HS6ST2: variants seen among roughly 807,000 people sequenced by gnomAD.
HS6ST2 encodes heparan sulfate 6-O-sulfotransferase 2, also known as heparan-sulfate 6-O-sulfotransferase 2.
Under a neutral mutation model 33.0 loss-of-function variants are expected in HS6ST2, and 17 were observed. The ratio of observed to expected loss-of-function variants is 0.52; its 90% CI spans 0.35 to 0.77. HS6ST2 has a LOEUF of 0.77. Ranked by LOEUF, HS6ST2 falls within the 30% of genes least tolerant of loss-of-function variation. The pLI, the probability that HS6ST2 is intolerant of heterozygous loss-of-function variation, is 0.01. For synonymous variants in HS6ST2, 248 were observed against 237.1 expected (o/e 1.05, Z -0.42); for missense variants, 519 against 551.7 (o/e 0.94, Z 0.59).
intron 2 of HS6ST2, among the ~76,000 whole-genome samples, chrX:132,928,812 C>T (rs1157724375): frequency 9.0e-6 from 1 of 111,505 alleles, no homozygotes; most frequent in Non-Finnish European, 1.9e-5. Context: ...CAGATCCTGG[C>T]ACACAGTAAG....
At chrX:132,669,327 TC>T in intron 3 of HS6ST2, 128 bp from the exon 4 acceptor site, 1 of 165,682 alleles carries the variant, frequency 6.0e-6, no homozygotes. Flanking sequence ...CTGGCCAATC[TC>T]TCTCTCTCTC....
chrX:132,795,944 T>C (rs907215538), intron 2 of HS6ST2, among the ~76,000 whole-genome samples: 2 of 111,455 alleles, frequency 1.8e-5, no homozygotes, highest in African/African-American at 6.5e-5. Context: ...CTCTGTGACT[T>C]CTTAGCTGTA....
At chrX:132,896,285 A>G (rs932577810) in intron 2 of HS6ST2, among the ~76,000 whole-genome samples, 1 of 110,902 alleles carries the variant, frequency 9.0e-6, no homozygotes, top group African/African-American at 3.3e-5. Flanking sequence ...CCTGGCTAAC[A>G]CGGTAAAACC....
intron 2 of HS6ST2, among the ~76,000 whole-genome samples, chrX:132,901,471 C>T (rs2066425360): frequency 9.0e-6 from 1 of 111,084 alleles, no homozygotes; most frequent in African/African-American, 3.3e-5. Context: ...ATAATCATTC[C>T]AATAGACAGC....
intron 4 of HS6ST2, among the ~76,000 whole-genome samples, chrX:132,634,494 G>C (rs766482833): frequency 8.9e-6 from 1 of 112,127 alleles, no homozygotes; most frequent in South Asian, 3.8e-4. Context: ...TTAATTGAAT[G>C]GCTGATTGGT....
At chrX:132,854,110 G>T (rs1446272666) in intron 2 of HS6ST2, among the ~76,000 whole-genome samples, 5 of 111,774 alleles carry the variant, frequency 4.5e-5, no homozygotes, top group Non-Finnish European at 9.4e-5. Flanking sequence ...AGGACCAGCA[G>T]ATCATCTTAA....
chrX:132,641,003 T>C (rs985098540), intron 4 of HS6ST2, among the ~76,000 whole-genome samples: 3 of 111,982 alleles, frequency 2.7e-5, no homozygotes, highest in Admixed American at 1.9e-4. Context: ...CAGTTCCCAA[T>C]TGGTAGTTTT....
At chrX:132,897,128 C>T (rs772395800) in intron 2 of HS6ST2, among the ~76,000 whole-genome samples, 10 of 110,730 alleles carry the variant, frequency 9.0e-5, no homozygotes, top group Admixed American at 3.9e-4. Context: ...TTGAAGGAAG[C>T]AACATGACAA....
intron 2 of HS6ST2, among the ~76,000 whole-genome samples, chrX:132,746,251 C>T (rs1187198617): frequency 9.0e-6 from 1 of 111,373 alleles, no homozygotes; most frequent in African/African-American, 3.3e-5. Context: ...CGGTGTAATC[C>T]CAGCACTTTG....
chrX:132,870,291 T>A (rs1219884590), intron 2 of HS6ST2, among the ~76,000 whole-genome samples: 1 of 111,909 alleles, frequency 8.9e-6, no homozygotes, highest in Admixed American at 9.5e-5. Context: ...TGGAAAAATA[T>A]TCAATTTTCA....
At chrX:132,943,946 CA>C (rs1569505556) in intron 2 of HS6ST2, among the ~76,000 whole-genome samples, 1 of 111,358 alleles carries the variant, frequency 9.0e-6, no homozygotes, top group Non-Finnish European at 1.9e-5. Context: ...TGAAAACTGG[CA>C]CAAGACAGGG....
chrX:132,947,342 C>T (rs1401663990), intron 2 of HS6ST2, among the ~76,000 whole-genome samples: 2 of 109,222 alleles, frequency 1.8e-5, no homozygotes, highest in African/African-American at 6.7e-5. Context: ...CCTCTGTATC[C>T]TTATTCATTT....
intron 2 of HS6ST2, among the ~76,000 whole-genome samples, chrX:132,787,196 TATACAC>T (rs1342225128): frequency 4.7e-4 from 39 of 82,236 alleles, no homozygotes; most frequent in East Asian, 7.1e-4. Flanking sequence ...TACATATATA[TATACAC>T]ATATATATAT....
intron 2 of HS6ST2, among the ~76,000 whole-genome samples, chrX:132,788,218 C>G (rs1384417119): frequency 8.9e-6 from 1 of 111,911 alleles, no homozygotes; most frequent in Non-Finnish European, 1.9e-5. Context: ...ATTTTTCCAA[C>G]AGCATGTGCT....
intron 2 of HS6ST2, among the ~76,000 whole-genome samples, chrX:132,872,779 C>T (rs188059746): frequency 3.2e-4 from 36 of 111,753 alleles, no homozygotes; most frequent in Admixed American, 1.8e-3. Context: ...AATGTGAGAT[C>T]ATTTCAGAAT....
chrX:132,823,865 T>A (rs1258546371), intron 2 of HS6ST2, among the ~76,000 whole-genome samples: 1 of 104,208 alleles, frequency 9.6e-6, no homozygotes, highest in African/African-American at 3.5e-5. Flanking sequence ...ATAATAATAA[T>A]AATAATAATA....
chrX:132,934,205 C>G (rs1390371203), intron 2 of HS6ST2, among the ~76,000 whole-genome samples: 1 of 111,557 alleles, frequency 9.0e-6, no homozygotes, highest in African/African-American at 3.3e-5. Flanking sequence ...ATACATTTAA[C>G]ATATGACAAT....
At chrX:132,662,110 C>T (rs1472085725) in intron 4 of HS6ST2, among the ~76,000 whole-genome samples, 1 of 111,657 alleles carries the variant, frequency 9.0e-6, no homozygotes, top group East Asian at 2.8e-4. Context: ...TGGAATAACA[C>T]TGAGTCCAGA....
At chrX:132,630,819 C>G (rs780971850) in intron 4 of HS6ST2, among the ~76,000 whole-genome samples, 11 of 110,200 alleles carry the variant, frequency 1.0e-4, no homozygotes, top group Non-Finnish European at 1.5e-4. Context: ...GTTGTGCGCT[C>G]CCGTAATCCT....
Sources: allele counts gnomAD v4.1 joint callset (sites outside exome capture counted in the v4.1 genomes callset), GRCh38; gene constraint gnomAD v4.1.1; transcripts MANE v1.5; gene names NCBI Gene and HGNC (gene_info 2026-07-23, HGNC 2026-07-21).